Variants in TCF20 observed in about 807,000 individuals in gnomAD.
TCF20 encodes the protein transcription factor 20.
Under a neutral mutation model 148.6 loss-of-function variants are expected in TCF20, and 3 were observed. The ratio of observed to expected loss-of-function variants is 0.02; its 90% CI spans 0.01 to 0.05. The LOEUF (loss-of-function observed/expected upper bound fraction) is 0.05. TCF20 is among the 10% of genes least tolerant of loss of function. The pLI is 1.00. For synonymous variants in TCF20, 1,049 were observed against 909.5 expected, an observed-to-expected ratio of 1.15 and a Z score of -2.76; for missense variants, 2,350 against 2,429.3, an observed-to-expected ratio of 0.97 and a Z score of 0.69.
chr22:42,254,959 C>CAAAAAAAAAAAAAAAAAAAAAAAAAAAAA (rs10625678), intron 1 of TCF20, among the ~76,000 whole-genome samples: 3 of 62,810 alleles, frequency 4.8e-5, no homozygotes, highest in African/African-American at 2.9e-4. Context: ...GACTCCGTCT[C>CAAAAAAAAAAAAAAAAAAAAAAAAAAAAA]AAAAAAAAAA....
In TCF20 at chr22:42,209,538, T is replaced by C. The variant is rs897802760; in HGVS notation, c.5655+113A>G. On this transcript the variant is annotated intron_variant, in intron 2 of 5. Coordinates refer to ENST00000677622, the MANE Select transcript of TCF20 (RefSeq NM_001378418.1). ...TCATTTTCTGTCCATCACATGGGCA[T>C]AGGCACTTTAATTTGGAGGAATAAT... is the stretch of plus-strand genomic sequence containing the variant. 7.3e-6 allele frequency: 9 copies of C among 1,234,598 alleles called. No individual in the cohort carries two copies. The South Asian group carries it at 8.9e-5, about 12-fold the overall frequency. The allele number at this position is 1,234,598 out of a possible 1,614,324, so 76.5% of individuals were successfully genotyped here.
intron 1 of TCF20, among the ~76,000 whole-genome samples, chr22:42,289,539 A>G (rs1927095398): frequency 6.6e-6 from 1 of 152,210 alleles, no homozygotes; most frequent in African/African-American, 2.4e-5. Flanking sequence ...CAAGGTAGGA[A>G]TGATGCATCC....
chr22:42,174,763 C>T (rs535585118), intron 3 of TCF20, among the ~76,000 whole-genome samples: 38 of 151,558 alleles, frequency 2.5e-4, no homozygotes, highest in East Asian at 1.9e-4. Context: ...TGGCCAGGCG[C>T]GGTGGCTCAC....
rs1601495547 is a variant in TCF20 at position 42,161,283 on chromosome 22, C to A, written c.*120G>T. 1 of 1,610,270 alleles carries A rather than the reference C, an allele frequency of 6.2e-7. No homozygotes were observed. Among genetic ancestry groups the A allele is most frequent in the Admixed American group, 1.7e-5 (1 of 59,904 alleles). ...GCGGGCGGGGCGGGGCGGGGCAGGGCAGGGTGTGGCTGCACGGTAGGACGA... is the reference window on the plus strand; with the variant it reads ...GCGGGCGGGGCGGGGCGGGGCAGGGAAGGGTGTGGCTGCACGGTAGGACGA... On this transcript the variant is annotated 3_prime_UTR_variant, in exon 6 of 6. Transcript: ENST00000677622.
chr22:42,311,821 G>A (rs950584270), intron 1 of TCF20, among the ~76,000 whole-genome samples: 8 of 152,188 alleles, frequency 5.3e-5, no homozygotes, highest in Admixed American at 5.2e-4. Context: ...CTCTTCCACA[G>A]ACCCCTGCAC....
intron 2 of TCF20, among the ~76,000 whole-genome samples, chr22:42,208,582 GACA>G (rs1237124331): frequency 6.6e-6 from 1 of 151,864 alleles, no homozygotes; most frequent in Non-Finnish European, 1.5e-5. Flanking sequence ...CAGCCTGAGT[GACA>G]ACAAAACAAA....
At chr22:42,340,156 T>C (rs1928139394) in intron 1 of TCF20, among the ~76,000 whole-genome samples, 1 of 152,146 alleles carries the variant, frequency 6.6e-6, no homozygotes, top group Non-Finnish European at 1.5e-5. Flanking sequence ...CGTCCAGACA[T>C]TCCCAGGCCC....
At chr22:42,284,671 C>T (rs1173918532), upstream of TCF20, among the ~76,000 whole-genome samples, 2 of 152,204 alleles carry the variant, frequency 1.3e-5, no homozygotes, top group African/African-American at 4.8e-5. Context: ...GCAGTCCCGA[C>T]CACCTTTTGT....
chr22:42,317,576 C>T lies in TCF20; in HGVS notation c.-37+25903G>A, dbSNP rs1452256522. On this transcript the variant is annotated intron_variant, in intron 1 of 1. Transcript: ENST00000515426. The surrounding 1 kb of genome is among the most constrained non-coding windows in gnomAD (Gnocchi z 4.2). The stretch of plus-strand genomic sequence containing the variant: ...TCTCACCAAGGTGGAAACTGAGGCT[C>T]GGAGAGGCCAAGTGACTGGCCCAAG... Among the ~76,000 whole-genome samples the T allele has an allele frequency of 2.0e-5, 3 of 151,988 alleles. No homozygotes were observed. Among genetic ancestry groups the T allele is most frequent in the African/African-American group, 7.3e-5 (3 of 41,374 alleles).
chr22:42,323,903 A>ATGGAGGTTATGGTGGT (rs1927790276), intron 1 of TCF20, among the ~76,000 whole-genome samples: 3 of 16,884 alleles, frequency 1.8e-4, no homozygotes, highest in African/African-American at 4.7e-4. Flanking sequence ...ATGGTGGTGG[A>ATGGAGGTTATGGTGGT]GGTGGTGGTG....
chr22:42,266,698 G>T (rs889478026), intron 1 of TCF20, among the ~76,000 whole-genome samples: 4 of 152,184 alleles, frequency 2.6e-5, no homozygotes, highest in Non-Finnish European at 5.9e-5. Flanking sequence ...GGAATCGCTT[G>T]AGCCTAGAAA....
At chr22:42,245,768 T>C (rs990870712) in intron 1 of TCF20, among the ~76,000 whole-genome samples, 1 of 152,144 alleles carries the variant, frequency 6.6e-6, no homozygotes, top group African/African-American at 2.4e-5. Context: ...TGGCCAATTT[T>C]ATTTTTAAAT....
chr22:42,250,781 A>G (rs781665460), intron 1 of TCF20, among the ~76,000 whole-genome samples: 4 of 152,224 alleles, frequency 2.6e-5, no homozygotes, highest in African/African-American at 4.8e-5. Flanking sequence ...AAGAAAAGAG[A>G]TTTAATTGGC....
At chr22:42,252,291 AAAG>A (rs1436288266) in intron 1 of TCF20, among the ~76,000 whole-genome samples, 1 of 151,698 alleles carries the variant, frequency 6.6e-6, no homozygotes, top group Non-Finnish European at 1.5e-5. Flanking sequence ...TCAAAAAAAA[AAAG>A]AAAAAAATAA....
rs868688630 is a variant in TCF20, at chr22:42,292,706, G to C, written c.-37+50773C>G. 7.2e-5 allele frequency among the ~76,000 whole-genome samples: 11 copies of C among 152,130 alleles called. 1 individual carries two copies. In the South Asian group the frequency reaches 1.0e-3, roughly 14 times the overall value. ...CAAAGCAGCACACACCTGGGACACA[G>C]GACCCCACGGCTAGGAAGACAAGGC... On this transcript the variant is annotated intron_variant, in intron 1 of 1. Transcript: ENST00000515426. The surrounding 1 kb of genome is among the most constrained non-coding windows in gnomAD (Gnocchi z 4.9).
chr22:42,267,080 C>T (rs1490692972), intron 1 of TCF20, among the ~76,000 whole-genome samples: 2 of 151,872 alleles, frequency 1.3e-5, no homozygotes, highest in Non-Finnish European at 2.9e-5. Flanking sequence ...CCAGCCTGAC[C>T]AACATGGAGA....
intron 1 of TCF20, among the ~76,000 whole-genome samples, chr22:42,320,112 T>G (rs1049209665): frequency 6.6e-6 from 1 of 152,164 alleles, no homozygotes; most frequent in Non-Finnish European, 1.5e-5. Context: ...CTGGCCCCCC[T>G]GACCTCTCCG....
chr22:42,192,411 C>A (rs915897180), intron 2 of TCF20, among the ~76,000 whole-genome samples: 3 of 152,134 alleles, frequency 2.0e-5, no homozygotes, highest in Non-Finnish European at 4.4e-5. Context: ...CTCTTTCGCA[C>A]CCGGAGCCAC....
At chr22:42,232,852 C>T (rs979028954) in intron 1 of TCF20, among the ~76,000 whole-genome samples, 13 of 145,070 alleles carry the variant, frequency 9.0e-5, no homozygotes, top group Non-Finnish European at 1.8e-4. Flanking sequence ...AATTTTAAAA[C>T]AAATAAAATT....
Sources: gnomAD v4.1 joint callset for allele counts (sites outside exome capture counted in the v4.1 genomes callset) on GRCh38, gnomAD v4.1.1 for gene constraint, Gnocchi (gnomAD v3.1) non-coding constraint, MANE v1.5 for transcripts, NCBI Gene and HGNC (gene_info 2026-07-23, HGNC 2026-07-21) for gene names.